PDE7B: variants seen among roughly 807,000 people sequenced by gnomAD.
PDE7B encodes the protein 3',5'-cyclic-AMP phosphodiesterase 7B.
A neutral mutation model predicts 56.2 loss-of-function variants in PDE7B; 29 were observed. That is an observed-to-expected ratio of 0.52 (90% CI 0.38 to 0.70). The LOEUF (loss-of-function observed/expected upper bound fraction) is 0.70. PDE7B is among the 30% of genes least tolerant of loss of function. PDE7B has a pLI of 0.00. For missense variants in PDE7B, 490 were observed against 565.0 expected, an observed-to-expected ratio of 0.87 and a Z score of 1.35; for synonymous variants, 197 against 196.9, an observed-to-expected ratio of 1.00 and a Z score of 0.00.
intron 9 of PDE7B, among the ~76,000 whole-genome samples, chr6:136,177,404 C>A (rs947747292): frequency 2.6e-5 from 4 of 152,048 alleles, no homozygotes; most frequent in Non-Finnish European, 4.4e-5. Flanking sequence ...ATTTGCAACA[C>A]GTAGCTGACA....
intron 2 of PDE7B, among the ~76,000 whole-genome samples, chr6:136,102,180 T>G (rs974029400): frequency 2.0e-5 from 3 of 148,174 alleles, no homozygotes; most frequent in African/African-American, 7.5e-5. Context: ...TCACAAGGAC[T>G]AAAGGTGCTC....
chr6:136,157,009 T>C (rs1778620309), intron 8 of PDE7B, among the ~76,000 whole-genome samples: 1 of 152,240 alleles, frequency 6.6e-6, no homozygotes, highest in Non-Finnish European at 1.5e-5. Flanking sequence ...TAGTATATTA[T>C]TAATCTTCAC....
At chr6:135,885,340 T>C (rs1775686939) in intron 1 of PDE7B, among the ~76,000 whole-genome samples, 1 of 151,772 alleles carries the variant, frequency 6.6e-6, no homozygotes, top group Non-Finnish European at 1.5e-5. Context: ...TTTTTTTTTT[T>C]TTTATCTCAC....
intron 2 of PDE7B, among the ~76,000 whole-genome samples, chr6:135,981,855 T>G (rs185050856): frequency 8.0e-4 from 121 of 152,158 alleles, no homozygotes; most frequent in African/African-American, 1.6e-3. Context: ...TTTATTCTCA[T>G]TATCAAATAT....
intron 1 of PDE7B, among the ~76,000 whole-genome samples, chr6:135,906,813 T>TTTTTTTTTTTTTTTTTTTTTTTTG (rs1562434058): frequency 6.4e-5 from 7 of 109,294 alleles, no homozygotes; most frequent in South Asian, 3.0e-4. Context: ...GAGGTTTGTT[T>TTTTTTTTTTTTTTTTTTTTTTTTG]TTTTTTTTTT....
intron 2 of PDE7B, among the ~76,000 whole-genome samples, chr6:136,066,451 A>G (rs1776938108): frequency 6.6e-6 from 1 of 152,180 alleles, no homozygotes; most frequent in Non-Finnish European, 1.5e-5. Flanking sequence ...TAGCACCCAC[A>G]AATATGAGAG....
At chr6:136,145,754 T>C (rs895921451) in intron 3 of PDE7B, among the ~76,000 whole-genome samples, 13 of 152,214 alleles carry the variant, frequency 8.5e-5, no homozygotes, top group Non-Finnish European at 1.6e-4. Flanking sequence ...CAGTCCTCTT[T>C]AATTTTCCCT....
chr6:135,866,715 A>G (rs915324132), intron 1 of PDE7B, among the ~76,000 whole-genome samples: 1 of 152,198 alleles, frequency 6.6e-6, no homozygotes, highest in Non-Finnish European at 1.5e-5. Context: ...CATTATCTAA[A>G]TTGTTTCACA....
At chr6:136,184,838 A>G (rs1779119539) in intron 11 of PDE7B, among the ~76,000 whole-genome samples, 1 of 152,202 alleles carries the variant, frequency 6.6e-6, no homozygotes, top group Non-Finnish European at 1.5e-5. Flanking sequence ...GTTAAAGCAG[A>G]GTGAAAGGGG....
At chr6:136,045,153 A>G (rs1450857656) in intron 2 of PDE7B, among the ~76,000 whole-genome samples, 4 of 151,982 alleles carry the variant, frequency 2.6e-5, no homozygotes, top group African/African-American at 7.3e-5. Flanking sequence ...GATAATACAT[A>G]CTAGGTACAT....
rs182924569 is a variant in PDE7B, at chr6:135,953,109, A to T, written c.82+5585A>T. On this transcript the variant is annotated intron_variant, in intron 2 of 12. Transcript: ENST00000308191. ...ATTTTTCCTCTTCATATCAAATATT[A>T]TAGTATTTTATTAAGCAACAAGATA... Among the ~76,000 whole-genome samples, 1,253 of 152,230 alleles carry T rather than the reference A, an allele frequency of 8.2e-3. 17 individuals carry two copies. Among genetic ancestry groups the T allele is most frequent in the Non-Finnish European group, 9.5e-3 (649 of 67,998 alleles).
At chr6:136,138,151 C>T (rs1298850578) in intron 3 of PDE7B, among the ~76,000 whole-genome samples, 1 of 152,028 alleles carries the variant, frequency 6.6e-6, no homozygotes, top group African/African-American at 2.4e-5. Context: ...TGTTAACATT[C>T]CCCAGATTTT....
chr6:135,942,137 A>G (rs1412598803), intron 1 of PDE7B, among the ~76,000 whole-genome samples: 1 of 152,186 alleles, frequency 6.6e-6, no homozygotes, highest in Non-Finnish European at 1.5e-5. Flanking sequence ...TTCTTTAAGG[A>G]AAAGAGGTTC....
chr6:136,050,529 T>C (rs888078820), intron 2 of PDE7B, among the ~76,000 whole-genome samples: 11 of 152,116 alleles, frequency 7.2e-5, no homozygotes, highest in African/African-American at 1.2e-4. Context: ...ATAAATAAAA[T>C]GTTACTGTGG....
intron 1 of PDE7B, among the ~76,000 whole-genome samples, chr6:135,916,995 A>G (rs759414430): frequency 5.9e-5 from 9 of 152,130 alleles, no homozygotes; most frequent in Non-Finnish European, 1.3e-4. Context: ...TCTGTGTTCT[A>G]TGTAAGAAAT....
At chr6:136,087,613 A>G (rs1177648713) in intron 2 of PDE7B, among the ~76,000 whole-genome samples, 1 of 152,242 alleles carries the variant, frequency 6.6e-6, no homozygotes, top group African/African-American at 2.4e-5. Flanking sequence ...AACCTAGATA[A>G]GCAATTAGAA....
At chr6:135,914,367 C>A (rs1278823271) in intron 1 of PDE7B, among the ~76,000 whole-genome samples, 4 of 151,752 alleles carry the variant, frequency 2.6e-5, no homozygotes, top group Non-Finnish European at 5.9e-5. Flanking sequence ...ACCCCTGCCC[C>A]ACCCCACTTC....
chr6:135,970,353 A>G (rs369391471), intron 2 of PDE7B, among the ~76,000 whole-genome samples: 21 of 152,278 alleles, frequency 1.4e-4, no homozygotes, highest in African/African-American at 4.8e-4. Flanking sequence ...CAGGTGGAAC[A>G]AGAGGAAGGC....
At chr6:136,042,955 T>C (rs1776437869) in intron 2 of PDE7B, among the ~76,000 whole-genome samples, 1 of 152,232 alleles carries the variant, frequency 6.6e-6, no homozygotes, top group Admixed American at 6.5e-5. Flanking sequence ...AAACAAGCAC[T>C]TGTTAGTTTA....
Sources: gnomAD v4.1 joint callset for allele counts (sites outside exome capture counted in the v4.1 genomes callset) on GRCh38, gnomAD v4.1.1 for gene constraint, MANE v1.5 for transcripts, NCBI Gene and HGNC (gene_info 2026-07-23, HGNC 2026-07-21) for gene names.